The following MAGEC3 variants were observed in gnomAD, a reference collection of about 807,000 sequenced individuals.
MAGEC3 encodes the protein MAGE family member C3, also known as melanoma-associated antigen C3.
Under a neutral mutation model 35.3 loss-of-function variants are expected in MAGEC3, and 34 were observed. That is an observed-to-expected ratio of 0.96 (90% CI 0.73 to 1.28). MAGEC3 has a LOEUF of 1.28. MAGEC3 is among the 50% of genes most tolerant of loss of function. The probability of loss-of-function intolerance (pLI) is 0.00; values close to 1 mark genes in which losing one functional copy is unlikely to be tolerated. For synonymous variants in MAGEC3, 202 were observed against 185.6 expected (o/e 1.09, Z -0.72); for missense variants, 561 against 483.6 (o/e 1.16, Z -1.50).
At chrX:141,879,730 T>C (rs2017948050) in intron 3 of MAGEC3, among the ~76,000 whole-genome samples, 2 of 110,607 alleles carry the variant, frequency 1.8e-5, no homozygotes, top group Admixed American at 1.9e-4. Flanking sequence ...GACAGAAGAC[T>C]CTTAGAACTG....
Position 141,897,049 on chromosome X carries a change from G to T in MAGEC3, c.1291G>T (p.Glu431Ter), listed in dbSNP as rs771924579. The T allele has an allele frequency of 8.1e-5, 98 of 1,209,504 alleles. No individual in the cohort carries two copies. The highest frequency in any genetic ancestry group is 1.1e-4 in the Non-Finnish European group (95 of 895,136). The change falls in exon 7 of 8, where the codon GAG (glutamate) becomes TAG (stop). Residue 431 changes from glutamate (E) to a stop codon, truncating the protein, a stop_gained. Coordinates refer to ENST00000298296, the MANE Select transcript of MAGEC3 (RefSeq NM_138702.1). LOFTEE classifies it high-confidence loss of function. ...SPLLWTRLDEESSSEEEDTAT... is the reference protein window; with the variant it reads ...SPLLWTRLDE ...TCTTTTGTGGACCCGATTGGATGAG[G>T]AGTCCAGCAGTGAAGAGGAGGATAC...
chrX:141,849,315 G>C (rs1180609454), intron 1 of MAGEC3, among the ~76,000 whole-genome samples: 2 of 110,924 alleles, frequency 1.8e-5, no homozygotes, highest in Admixed American at 9.6e-5. Context: ...GAAGACCTCA[G>C]ACTATAAATA....
chrX:141,884,353 T>C (rs960561835), intron 4 of MAGEC3, among the ~76,000 whole-genome samples: 1 of 111,873 alleles, frequency 8.9e-6, no homozygotes, highest in African/African-American at 3.2e-5. Flanking sequence ...CCCTCTAACA[T>C]CAGACTCCAA....
At chrX:141,876,383 A>C (rs948068961) in intron 2 of MAGEC3, among the ~76,000 whole-genome samples, 1 of 111,819 alleles carries the variant, frequency 8.9e-6, no homozygotes, top group African/African-American at 3.3e-5. Flanking sequence ...TTGAGATTTC[A>C]AGTCCTGCTC....
At chrX:141,869,607 TTTGTTG>T (rs200882248) in intron 2 of MAGEC3, among the ~76,000 whole-genome samples, 1 of 112,362 alleles carries the variant, frequency 8.9e-6, no homozygotes, top group Non-Finnish European at 1.9e-5. Context: ...CTGTACATTT[TTTGTTG>T]TTGTTGTTGT....
intron 1 of MAGEC3, among the ~76,000 whole-genome samples, chrX:141,848,923 C>T (rs2017733758): frequency 9.0e-6 from 1 of 110,875 alleles, no homozygotes; most frequent in South Asian, 3.8e-4. Context: ...CTCATGTACC[C>T]CATAAATGGA....
At chrX:141,867,995 C>T (rs1274144171) in intron 2 of MAGEC3, among the ~76,000 whole-genome samples, 2 of 110,241 alleles carry the variant, frequency 1.8e-5, no homozygotes, top group Non-Finnish European at 3.8e-5. Flanking sequence ...TGGTGGTGGG[C>T]GCCTGTAGTC....
intron 6 of MAGEC3, among the ~76,000 whole-genome samples, chrX:141,895,775 G>C (rs1205501495): frequency 2.7e-5 from 3 of 109,100 alleles, no homozygotes; most frequent in Admixed American, 1.9e-4. Flanking sequence ...CCTTGGTCTG[G>C]GGGGTTCCAT....
chrX:141,882,195 C>T (rs1237827216), intron 4 of MAGEC3, among the ~76,000 whole-genome samples: 1 of 111,469 alleles, frequency 9.0e-6, no homozygotes, highest in Non-Finnish European at 1.9e-5. Flanking sequence ...CAGTCAGGGT[C>T]CTAGGTAGTG....
chrX:141,859,544 T>C (rs957681159), intron 1 of MAGEC3, among the ~76,000 whole-genome samples: 10 of 111,771 alleles, frequency 8.9e-5, no homozygotes, highest in Non-Finnish European at 1.1e-4. Context: ...TTTAAAAATA[T>C]ATATTCCAAA....
intron 1 of MAGEC3, among the ~76,000 whole-genome samples, chrX:141,850,677 A>T (rs1336324734): frequency 8.9e-6 from 1 of 111,839 alleles, no homozygotes; most frequent in Non-Finnish European, 1.9e-5. Flanking sequence ...GTTTAACCAA[A>T]CATCTGGGCA....
chrX:141,893,148 G>A (rs1028355370), intron 4 of MAGEC3, among the ~76,000 whole-genome samples: 6 of 111,210 alleles, frequency 5.4e-5, no homozygotes, highest in African/African-American at 9.8e-5. Context: ...AGGAGATAGC[G>A]CTCTACACCC....
In MAGEC3 at chrX:141,852,905, T is replaced by A. The variant is rs934550465; in HGVS notation, c.124-12566T>A. Among the ~76,000 whole-genome samples the A allele has an allele frequency of 1.1e-4, 12 of 111,386 alleles. No individual in the cohort carries two copies. In the South Asian group the frequency reaches 4.1e-3, roughly 38 times the overall value. On this transcript the variant is annotated intron_variant, in intron 1 of 7. Transcript: ENST00000298296. ...TTTTCTTTTCTTGTAATTTTTAAAATCTGGTTTGGTATTATAGAATGAGAC... is the reference window on the plus strand; with the variant it reads ...TTTTCTTTTCTTGTAATTTTTAAAAACTGGTTTGGTATTATAGAATGAGAC...
intron 1 of MAGEC3, among the ~76,000 whole-genome samples, chrX:141,848,949 C>T (rs192810775): frequency 9.0e-6 from 1 of 111,246 alleles, no homozygotes; most frequent in Admixed American, 9.5e-5. Flanking sequence ...CTAATATGTA[C>T]TCACAAAAAT....
At chrX:141,839,332 T>C (rs2017672474) in intron 1 of MAGEC3, 5 of 663,099 alleles carry the variant, frequency 7.5e-6, no homozygotes, top group Non-Finnish European at 9.0e-6. Context: ...AAAATGCCTC[T>C]AGTCTGCCAT....
intron 1 of MAGEC3, among the ~76,000 whole-genome samples, chrX:141,865,206 T>G (rs73577976): frequency 0.052 from 5,852 of 111,607 alleles, 373 homozygotes; most frequent in African/African-American, 0.18. Context: ...TTCTCAAAAC[T>G]AATTTTTAAA....
At chrX:141,857,686 C>T (rs1172305417) in intron 1 of MAGEC3, among the ~76,000 whole-genome samples, 1 of 111,067 alleles carries the variant, frequency 9.0e-6, no homozygotes, top group African/African-American at 3.3e-5. Context: ...CTCCACCCCA[C>T]TTTACTCAAG....
chrX:141,896,998 A>G lies in MAGEC3; in HGVS notation c.1240A>G (p.Ser414Gly), dbSNP rs1847425784. ...GGGTCCTCCGCAGAGTCCTCCCCAG[A>G]GTCCTCTAGACTCCTGCTCATCCCC... is the stretch of plus-strand genomic sequence containing the variant. Reference protein sequence around the residue: ...PQGPPQSPPQSPLDSCSSPLL... With the variant: ...PQGPPQSPPQGPLDSCSSPLL... The change falls in exon 7 of 8, where the codon AGT (serine) becomes GGT (glycine). Residue 414 changes from serine (S) to glycine (G), a missense_variant. By Grantham distance (56) the Ser-to-Gly change is moderately conservative. Coordinates refer to ENST00000298296, the MANE Select transcript of MAGEC3 (RefSeq NM_138702.1). 4.1e-5 allele frequency: 50 copies of G among 1,208,518 alleles called. No individual in the cohort carries two copies. The highest frequency in any genetic ancestry group is 5.3e-5 in the Non-Finnish European group (47 of 893,865).
rs774751537 is a variant in MAGEC3, at chrX:141,843,939, A to G, written c.123+5501A>G. On this transcript the variant is annotated intron_variant, in intron 1 of 7. Coordinates refer to ENST00000298296, the MANE Select transcript of MAGEC3 (RefSeq NM_138702.1). ...GCGCATCCCTTATCCAGGGATTGCC[A>G]CCACGTTGAACTTTGTAGTACTTAT... 1.4e-4 allele frequency among the ~76,000 whole-genome samples: 16 copies of G among 110,902 alleles called. No individual in the cohort carries two copies. In the South Asian group the frequency reaches 6.1e-3, roughly 42 times the overall value.
Sources: gnomAD v4.1 joint callset for allele counts (sites outside exome capture counted in the v4.1 genomes callset) on GRCh38, gnomAD v4.1.1 for gene constraint, MANE v1.5 for transcripts, NCBI Gene and HGNC (gene_info 2026-07-23, HGNC 2026-07-21) for gene names.